Variants in TRIO observed in about 807,000 individuals in gnomAD.
The protein encoded by TRIO is triple functional domain protein.
A neutral mutation model predicts 351.9 loss-of-function variants in TRIO; 58 were observed. The ratio of observed to expected loss-of-function variants is 0.16; its 90% CI spans 0.13 to 0.21. The LOEUF is 0.21. Ranked by LOEUF, TRIO falls within the 10% of genes least tolerant of loss-of-function variation. TRIO has a pLI of 1.00. For synonymous variants in TRIO, 1,758 were observed against 1,595.7 expected, an observed-to-expected ratio of 1.10 and a Z score of -2.42; for missense variants, 3,201 against 4,027.8, an observed-to-expected ratio of 0.79 and a Z score of 5.56.
rs780650425 is a variant in TRIO at position 14,369,466 on chromosome 5, G to A, written c.3159G>A (p.Thr1053=). ...ATAAGCTGGGCCCAAACTCTGAGAC[G>A]GACCACGTGACGCCCATGATCAGCA... ...GADKLGPNSE[T]DHVTPMISKH... The change falls in exon 18 of 57, where the codon ACG becomes ACA. Residue 1053 remains threonine (T), a synonymous_variant. Coordinates refer to ENST00000344204, the MANE Select transcript of TRIO (RefSeq NM_007118.4). 19 of 1,614,062 alleles carry A rather than the reference G, an allele frequency of 1.2e-5. No homozygotes were observed. In the East Asian group the frequency reaches 2.2e-4, roughly 19 times the overall value.
rs534655004 is a variant in TRIO at position 14,288,500 on chromosome 5, C to T, written c.540+1437C>T. ...TGGCTAACACGGTGAAACCCCATCT[C>T]TACTAAAATACAAAAAATTAGCCGG... On this transcript the variant is annotated intron_variant, in intron 4 of 56. Coordinates refer to ENST00000344204, the MANE Select transcript of TRIO (RefSeq NM_007118.4). Among the ~76,000 whole-genome samples, 4 of 152,198 alleles carry T rather than the reference C, an allele frequency of 2.6e-5. No homozygotes were observed. In the South Asian group the frequency reaches 8.3e-4, roughly 32 times the overall value.
At chr5:14,185,063 C>G (rs757736119) in intron 1 of TRIO, among the ~76,000 whole-genome samples, 1 of 152,076 alleles carries the variant, frequency 6.6e-6, no homozygotes, top group Non-Finnish European at 1.5e-5. Flanking sequence ...ATGTGGACTG[C>G]CACATCTCAA....
chr5:14,484,026 C>G (rs996981165), intron 46 of TRIO, among the ~76,000 whole-genome samples: 19 of 151,732 alleles, frequency 1.3e-4, no homozygotes, highest in Non-Finnish European at 2.7e-4. Context: ...GCACCCATCC[C>G]CTGAGAACCA....
intron 39 of TRIO, among the ~76,000 whole-genome samples, chr5:14,473,089 G>T (rs1236638368): frequency 1.3e-5 from 2 of 152,170 alleles, no homozygotes; most frequent in Non-Finnish European, 2.9e-5. Flanking sequence ...TTCAGAGCCT[G>T]TACTGTGGCT....
intron 15 of TRIO, 48 bp from the exon 16 acceptor site, chr5:14,366,812 A>C (rs761623347): frequency 6.2e-7 from 1 of 1,611,606 alleles, no homozygotes; most frequent in Non-Finnish European, 8.5e-7. Flanking sequence ...GGTCCACAGG[A>C]TTCTCTGGGA....
intron 11 of TRIO, among the ~76,000 whole-genome samples, chr5:14,352,987 T>C (rs1037449843): frequency 6.6e-6 from 1 of 152,082 alleles, no homozygotes; most frequent in African/African-American, 2.4e-5. Flanking sequence ...TTCTATAGAC[T>C]CTAACAGACT....
chr5:14,354,809 CT>C (rs1743468832), intron 11 of TRIO, among the ~76,000 whole-genome samples: 1 of 152,132 alleles, frequency 6.6e-6, no homozygotes, highest in African/African-American at 2.4e-5. Flanking sequence ...TTGATTAGTA[CT>C]ATAGTTATCA....
intron 1 of TRIO, among the ~76,000 whole-genome samples, chr5:14,146,758 C>T (rs745707502): frequency 7.2e-5 from 11 of 152,218 alleles, no homozygotes; most frequent in Non-Finnish European, 1.5e-4. Context: ...CTGGCTTTCT[C>T]TGAGTCCTCA....
chr5:14,378,676 C>T (rs1450652046), intron 20 of TRIO, among the ~76,000 whole-genome samples: 1 of 151,998 alleles, frequency 6.6e-6, no homozygotes, highest in Non-Finnish European at 1.5e-5. Flanking sequence ...TCTCCTGCCT[C>T]AGCCTCCCAA....
At chr5:14,268,889 A>G (rs561033919) in intron 1 of TRIO, among the ~76,000 whole-genome samples, 1 of 152,338 alleles carries the variant, frequency 6.6e-6, no homozygotes, top group East Asian at 1.9e-4. Flanking sequence ...TTGTAGACAC[A>G]TTCAGTGAGT....
chr5:14,157,996 A>G (rs1788219459), intron 1 of TRIO, among the ~76,000 whole-genome samples: 1 of 152,126 alleles, frequency 6.6e-6, no homozygotes, highest in African/African-American at 2.4e-5. Flanking sequence ...AAACATCCTC[A>G]TGCTTGTTAG....
Position 14,293,018 on chromosome 5 carries a change from G to C in TRIO, c.1060G>C (p.Asp354His), listed in dbSNP as rs1737043562. ...LFEQDAEKMFDWITHNKGLFL... is the reference protein window; with the variant it reads ...LFEQDAEKMFHWITHNKGLFL... The stretch of plus-strand genomic sequence containing the variant: ...GTCTTTTTCCTTCCGGTAGATGTTT[G>C]ACTGGATCACACACAACAAAGGCCT... The change falls in exon 6 of 57, where the codon GAC becomes CAC. Residue 354 changes from aspartate (D) to histidine (H), a missense_variant. Physicochemically the swap from Asp to His is moderately conservative, Grantham distance 81. Around this residue, in one of 19 missense-constraint regions of TRIO, gnomAD observed 349 missense variants for 449.3 expected, o/e 0.78. Coordinates refer to ENST00000344204, the MANE Select transcript of TRIO (RefSeq NM_007118.4). 1 of 1,613,936 alleles carries C rather than the reference G, an allele frequency of 6.2e-7. No individual in the cohort carries two copies. The highest frequency in any genetic ancestry group is 8.5e-7 in the Non-Finnish European group (1 of 1,179,990).
intron 2 of TRIO, among the ~76,000 whole-genome samples, chr5:14,272,668 C>T (rs955957615): frequency 1.5e-4 from 23 of 152,118 alleles, no homozygotes; most frequent in Non-Finnish European, 2.1e-4. Flanking sequence ...AAGATATTAG[C>T]GATGGTAGAG....
rs575083079 is a variant in TRIO, at chr5:14,358,135, G to A, written c.2047-43G>A. On this transcript the variant is annotated intron_variant, in intron 11 of 56. Coordinates refer to ENST00000344204, the MANE Select transcript of TRIO (RefSeq NM_007118.4). ...GACACCGGGCGGCCCACCTGGTGGT[G>A]CAGCCAGGCCGGCCGGCCTCACCCC... is the stretch of plus-strand genomic sequence containing the variant. 15 of 1,581,790 alleles carry A rather than the reference G, an allele frequency of 9.5e-6. No homozygotes were observed. In the South Asian group the frequency reaches 1.0e-4, roughly 11 times the overall value.
At chr5:14,145,661 C>T (rs1266937020) in intron 1 of TRIO, among the ~76,000 whole-genome samples, 5 of 152,166 alleles carry the variant, frequency 3.3e-5, no homozygotes, top group Non-Finnish European at 5.9e-5. Flanking sequence ...TTCAGCTCCT[C>T]TCTGTTAGAA....
intron 1 of TRIO, among the ~76,000 whole-genome samples, chr5:14,147,158 A>C (rs559256548): frequency 6.6e-6 from 1 of 151,678 alleles, no homozygotes; most frequent in East Asian, 2.0e-4. Flanking sequence ...GAGCAAAAAG[A>C]AAAAAAAAGA....
At chr5:14,248,452 C>T (rs947046703) in intron 1 of TRIO, among the ~76,000 whole-genome samples, 2 of 152,288 alleles carry the variant, frequency 1.3e-5, no homozygotes, top group East Asian at 1.9e-4. Flanking sequence ...TTGATCCATT[C>T]GTTACTTGAA....
intron 1 of TRIO, among the ~76,000 whole-genome samples, chr5:14,226,221 G>A (rs1793015179): frequency 1.3e-5 from 2 of 152,210 alleles, no homozygotes; most frequent in South Asian, 4.1e-4. Context: ...TCCCACTTAG[G>A]TTATTTGATG....
chr5:14,485,802 A>G (rs1416453577), intron 47 of TRIO, among the ~76,000 whole-genome samples: 1 of 152,224 alleles, frequency 6.6e-6, no homozygotes, highest in African/African-American at 2.4e-5. Context: ...CCTGACCAAC[A>G]TGGAGAAACC....
Sources: gnomAD v4.1 joint callset for allele counts (sites outside exome capture counted in the v4.1 genomes callset) on GRCh38, gnomAD v4.1.1 for gene constraint, gnomAD v4.1.1 regional missense constraint, MANE v1.5 for transcripts, NCBI Gene and HGNC (gene_info 2026-07-23, HGNC 2026-07-21) for gene names.